The following KCNQ5 variants were observed in gnomAD, a reference collection of about 807,000 sequenced individuals.
The protein encoded by KCNQ5 is potassium voltage-gated channel subfamily KQT member 5.
In KCNQ5, 30 loss-of-function variants were observed where a neutral mutation model predicts 98.2. The observed-to-expected ratio is 0.31, with a 90% CI of 0.23 to 0.41. The LOEUF is 0.41. KCNQ5 is among the 10% of genes least tolerant of loss of function. KCNQ5 has a pLI of 1.00. For missense variants in KCNQ5, 835 were observed against 1,182.5 expected (o/e 0.71, Z 4.31); for synonymous variants, 458 against 449.4 (o/e 1.02, Z -0.24).
chr6:72,664,711 A>G (rs1766709618), intron 1 of KCNQ5, among the ~76,000 whole-genome samples: 1 of 152,144 alleles, frequency 6.6e-6, no homozygotes, highest in Admixed American at 6.6e-5. Flanking sequence ...CAAAAGCTAT[A>G]TAAGAGAAGC....
chr6:73,039,638 T>C (rs1337199079), intron 2 of KCNQ5, among the ~76,000 whole-genome samples: 1 of 152,220 alleles, frequency 6.6e-6, no homozygotes, highest in African/African-American at 2.4e-5. Flanking sequence ...TGTCTTTCTG[T>C]TATTGATTTC....
At chr6:73,057,913 A>G (rs1295674047) in intron 3 of KCNQ5, among the ~76,000 whole-genome samples, 1 of 152,356 alleles carries the variant, frequency 6.6e-6, no homozygotes, top group East Asian at 1.9e-4. Context: ...GACCAATGGA[A>G]CAGAAGAGAT....
At chr6:72,779,793 A>T (rs1481405941) in intron 1 of KCNQ5, among the ~76,000 whole-genome samples, 1 of 150,696 alleles carries the variant, frequency 6.6e-6, no homozygotes, top group Admixed American at 6.6e-5. Context: ...CACAGGCACG[A>T]GTCACCATGC....
intron 1 of KCNQ5, among the ~76,000 whole-genome samples, chr6:72,736,727 C>T (rs1770870234): frequency 6.6e-6 from 1 of 151,218 alleles, no homozygotes; most frequent in African/African-American, 2.4e-5. Flanking sequence ...TCTCGATCTC[C>T]TGACCTCGTG....
chr6:73,022,898 CAG>C (rs1770668507), intron 2 of KCNQ5, among the ~76,000 whole-genome samples: 1 of 152,130 alleles, frequency 6.6e-6, no homozygotes, highest in Non-Finnish European at 1.5e-5. Flanking sequence ...AAGATTGAAA[CAG>C]AGAAGAACCT....
At chr6:72,747,268 A>C (rs1217351264) in intron 1 of KCNQ5, among the ~76,000 whole-genome samples, 1 of 152,208 alleles carries the variant, frequency 6.6e-6, no homozygotes, top group Non-Finnish European at 1.5e-5. Flanking sequence ...CTTCAGAATT[A>C]TGTTAGCTAC....
intron 1 of KCNQ5, among the ~76,000 whole-genome samples, chr6:72,863,373 C>T (rs1343906295): frequency 6.6e-6 from 1 of 152,206 alleles, no homozygotes; most frequent in East Asian, 1.9e-4. Flanking sequence ...CCATAAATCA[C>T]ACTCACTTTA....
intron 1 of KCNQ5, among the ~76,000 whole-genome samples, chr6:72,727,753 G>A (rs9360593): frequency 0.37 from 55,650 of 151,916 alleles, 13,833 homozygotes; most frequent in African/African-American, 0.67. Flanking sequence ...GGGTCAGCTG[G>A]GGTTTGGCTG....
intron 2 of KCNQ5, among the ~76,000 whole-genome samples, chr6:73,009,090 A>G (rs893448136): frequency 6.6e-6 from 1 of 152,084 alleles, no homozygotes; most frequent in Non-Finnish European, 1.5e-5. Flanking sequence ...CCTAGGTTCA[A>G]GAGATTCTCC....
At chr6:72,751,078 T>C (rs1771655343) in intron 1 of KCNQ5, among the ~76,000 whole-genome samples, 1 of 151,854 alleles carries the variant, frequency 6.6e-6, no homozygotes, top group Admixed American at 6.6e-5. Context: ...AAGAGAAAAA[T>C]CTATCCAAAA....
intron 1 of KCNQ5, among the ~76,000 whole-genome samples, chr6:72,646,512 G>A (rs940096155): frequency 1.3e-5 from 2 of 151,906 alleles, no homozygotes; most frequent in Non-Finnish European, 2.9e-5. Context: ...ACATGGATTT[G>A]GGGGAAAAAA....
intron 13 of KCNQ5, among the ~76,000 whole-genome samples, chr6:73,193,818 C>G (rs1463520427): frequency 6.7e-6 from 1 of 148,188 alleles, no homozygotes; most frequent in East Asian, 2.0e-4. Flanking sequence ...GAAAGACAAT[C>G]TGACAGGAAT....
At chr6:73,129,558 T>C (rs1477905970) in intron 9 of KCNQ5, among the ~76,000 whole-genome samples, 2 of 152,260 alleles carry the variant, frequency 1.3e-5, no homozygotes, top group Non-Finnish European at 2.9e-5. Context: ...GAGACTATCA[T>C]CATTTGTATG....
chr6:72,968,188 A>G (rs1461197312), intron 1 of KCNQ5, among the ~76,000 whole-genome samples: 1 of 152,214 alleles, frequency 6.6e-6, no homozygotes, highest in Non-Finnish European at 1.5e-5. Flanking sequence ...AAAGAAATAC[A>G]GTTATTGTCA....
intron 3 of KCNQ5, among the ~76,000 whole-genome samples, chr6:73,054,898 C>T (rs1397620283): frequency 6.6e-6 from 1 of 152,236 alleles, no homozygotes; most frequent in Non-Finnish European, 1.5e-5. Flanking sequence ...GGAAGTCAAA[C>T]TGTCCCTGAT....
At chr6:73,045,547 A>C (rs1033982221) in intron 3 of KCNQ5, among the ~76,000 whole-genome samples, 1 of 152,190 alleles carries the variant, frequency 6.6e-6, no homozygotes, top group African/African-American at 2.4e-5. Flanking sequence ...GCTGCCCTTC[A>C]TTTACCCAGA....
intron 5 of KCNQ5, among the ~76,000 whole-genome samples, chr6:73,091,653 G>T (rs369491703): frequency 6.6e-6 from 1 of 152,060 alleles, no homozygotes; most frequent in Non-Finnish European, 1.5e-5. Flanking sequence ...ATACCATGCT[G>T]TCTTGGTGAC....
intron 1 of KCNQ5, among the ~76,000 whole-genome samples, chr6:72,625,961 C>T (rs947074461): frequency 2.6e-5 from 4 of 152,284 alleles, no homozygotes; most frequent in South Asian, 4.1e-4. Context: ...TAGTATTGTT[C>T]GTAAAATGCA....
intron 10 of KCNQ5, among the ~76,000 whole-genome samples, chr6:73,160,396 T>G (rs1777571630): frequency 6.6e-6 from 1 of 152,180 alleles, no homozygotes; most frequent in African/African-American, 2.4e-5. Context: ...AGTAGTGATT[T>G]CTTTAAAAGA....
Sources: allele counts gnomAD v4.1 joint callset (sites outside exome capture counted in the v4.1 genomes callset), GRCh38; gene constraint gnomAD v4.1.1; transcripts MANE v1.5; gene names NCBI Gene and HGNC (gene_info 2026-07-23, HGNC 2026-07-21).